The following KCNA3 variants were observed in gnomAD, a reference collection of about 807,000 sequenced individuals.
The protein encoded by KCNA3 is potassium voltage-gated channel subfamily A member 3.
A neutral mutation model predicts 34.3 loss-of-function variants in KCNA3; 18 were observed. The ratio of observed to expected loss-of-function variants is 0.52; its 90% CI spans 0.36 to 0.78. The LOEUF (loss-of-function observed/expected upper bound fraction) is 0.78. Ranked by LOEUF, KCNA3 falls within the 30% of genes least tolerant of loss-of-function variation. The probability of loss-of-function intolerance (pLI) is 0.00; values close to 1 mark genes in which losing one functional copy is unlikely to be tolerated. For missense variants in KCNA3, 587 were observed against 802.5 expected (o/e 0.73, Z 3.24); for synonymous variants, 324 against 351.7 (o/e 0.92, Z 0.88).
Position 110,673,248 on chromosome 1 carries a change from T to C in KCNA3, c.1562A>G (p.Asn521Ser). ...ATACTCCGACTTACTCAGAGTCGAG[T>C]TACTCCTTGCTTTTCGGAGCTCCTC... ...SAEELRKARS[N>S]STLSKSEYMV... The change falls in exon 1 of 1, where the codon AAC becomes AGC. Residue 521 changes from asparagine to serine, a missense_variant. Asn to Ser is a conservative substitution (Grantham distance 46). This residue lies in a region of KCNA3 where 95 missense variants were observed against 107.3 expected (regional missense o/e 0.89). Transcript: ENST00000369769. This position sits in a 1 kb window ranked among gnomAD's most constrained non-coding sequence, Gnocchi z 8.8. 1 of 1,614,042 alleles carries C rather than the reference T, an allele frequency of 6.2e-7. No homozygotes were observed. Among genetic ancestry groups the C allele is most frequent in the South Asian group, 1.1e-5 (1 of 91,062 alleles).
chr1:110,665,437 C>T, the KCNA3 span, among the ~76,000 whole-genome samples: 1 of 152,118 alleles, frequency 6.6e-6, no homozygotes, highest in East Asian at 1.9e-4. Context: ...CTTTGAGCAA[C>T]TGGAAAATTG....
rs749760182 is a variant in KCNA3, at chr1:110,674,541, G to C, written c.269C>G (p.Pro90Arg). ...CTCGCCCGCGGCCGGCAGTGAGGGC[G>C]GCAGCGGCTCGTAGCGGTCGCAGCC... Reference protein sequence around the residue: ...GGGCDRYEPLPPSLPAAGEQD... With the variant: ...GGGCDRYEPLRPSLPAAGEQD... The change falls in exon 1 of 1, where the codon CCG (proline) becomes CGG (arginine). Residue 90 changes from proline (P) to arginine (R), a missense_variant. Coordinates refer to ENST00000369769, the MANE Select transcript of KCNA3 (RefSeq NM_002232.5). This position sits in a 1 kb window ranked among gnomAD's most constrained non-coding sequence, Gnocchi z 6.4. 5 of 1,604,798 alleles carry C rather than the reference G, an allele frequency of 3.1e-6. No homozygotes were observed. The South Asian group carries it at 3.3e-5, about 11-fold the overall frequency.
rs768732207 is a variant in KCNA3 at position 110,674,431 on chromosome 1, C to G, written c.379G>C (p.Glu127Gln). 2.5e-6 allele frequency: 4 copies of G among 1,614,112 alleles called. No individual in the cohort carries two copies. The South Asian group carries it at 3.3e-5, about 13-fold the overall frequency. ...CGCTTGGGGTCGCCCAGCAGCGTCT[C>G]GGGGAACTGGCAAAGGGTCTTCAGC... ...TQLKTLCQFP[E>Q]TLLGDPKRRM... Residue 127 changes from glutamate (E) to glutamine (Q), a missense_variant, in exon 1 of 1, where the codon GAG (glutamate) becomes CAG (glutamine). By Grantham distance (29) the Glu-to-Gln change is conservative. This residue lies in a region of KCNA3 where 341 missense variants were observed against 355.4 expected (regional missense o/e 0.96). Transcript: ENST00000369769. The surrounding 1 kb of genome is among the most constrained non-coding windows in gnomAD (Gnocchi z 6.4).
chr1:110,659,138 G>T, the KCNA3 span, among the ~76,000 whole-genome samples: 1 of 149,514 alleles, frequency 6.7e-6, no homozygotes, highest in African/African-American at 2.5e-5. Flanking sequence ...AATATAACAC[G>T]ACTATATCTC....
Position 110,674,115 on chromosome 1 carries a change from G to A in KCNA3, c.695C>T (p.Pro232Leu). 9.9e-6 allele frequency: 16 copies of A among 1,611,526 alleles called. No individual in the cohort carries two copies. The highest frequency in any genetic ancestry group is 1.3e-5 in the Non-Finnish European group (15 of 1,178,828). The change falls in exon 1 of 1, where the codon CCG becomes CTG. Residue 232 changes from proline to leucine, a missense_variant. Coordinates refer to ENST00000369769, the MANE Select transcript of KCNA3 (RefSeq NM_002232.5). The surrounding 1 kb of genome is among the most constrained non-coding windows in gnomAD (Gnocchi z 6.4). ...GGACACGATGGCGATGCCCCGGGCCGGCCCGGAGCTCTCGGGGTACTCGAA... is the reference window on the plus strand; with the variant it reads ...GGACACGATGGCGATGCCCCGGGCCAGCCCGGAGCTCTCGGGGTACTCGAA... The part of the protein sequence containing the change: ...LLFEYPESSG[P>L]ARGIAIVSVL...
At position 110,674,549 on chromosome 1, in the gene KCNA3, C is replaced by T; in HGVS notation, c.261G>A (p.Glu87=). The T allele has an allele frequency of 6.3e-7, 1 of 1,590,548 alleles. No homozygotes were observed. The highest frequency in any genetic ancestry group is 8.5e-7 in the Non-Finnish European group (1 of 1,170,728). Reference sequence around the variant, plus strand: ...CGGCCGGCAGTGAGGGCGGCAGCGGCTCGTAGCGGTCGCAGCCGCCGCCGC... The same window carrying T: ...CGGCCGGCAGTGAGGGCGGCAGCGGTTCGTAGCGGTCGCAGCCGCCGCCGC... The part of the protein sequence containing the change: ...GCGGGGCDRY[E]PLPPSLPAAG... Residue 87 remains glutamate, a synonymous_variant, in exon 1 of 1, where the codon GAG becomes GAA. Coordinates refer to ENST00000369769, the MANE Select transcript of KCNA3 (RefSeq NM_002232.5). The surrounding 1 kb of genome is among the most constrained non-coding windows in gnomAD (Gnocchi z 6.4).
At chr1:110,662,138 T>TAAAAG in the KCNA3 span, among the ~76,000 whole-genome samples, 1 of 37,970 alleles carries the variant, frequency 2.6e-5, no homozygotes. Flanking sequence ...AAAAAAAAAT[T>TAAAAG]CAGAATGTCT....
At chr1:110,659,766 T>C in the KCNA3 span, among the ~76,000 whole-genome samples, 1 of 152,100 alleles carries the variant, frequency 6.6e-6, no homozygotes, top group Non-Finnish European at 1.5e-5. Flanking sequence ...TAAAAAAGGA[T>C]GAGTTCATGT....
Position 110,672,869 on chromosome 1 carries a change from G to A in KCNA3, c.*213C>T. On this transcript the variant is annotated 3_prime_UTR_variant, in exon 1 of 1. Coordinates refer to ENST00000369769, the MANE Select transcript of KCNA3 (RefSeq NM_002232.5). ...AATGTTAAGAGAGAGAGGGTAAGAG[G>A]GAAAAGGAGAGCTGAGAGAATGCAG... The A allele has an allele frequency of 1.8e-6, 1 of 559,080 alleles. No homozygotes were observed. The highest frequency in any genetic ancestry group is 2.9e-5 in the East Asian group (1 of 34,308). 34.6% of individuals were successfully genotyped at this position (559,080 alleles called of 1,614,324 possible). A position where few individuals can be genotyped will look rare whatever the true frequency, so the allele number is the denominator to read the frequency against.
At chr1:110,662,706 T>C in the KCNA3 span, among the ~76,000 whole-genome samples, 3 of 152,118 alleles carry the variant, frequency 2.0e-5, 1 homozygote, top group Non-Finnish European at 1.5e-5. Flanking sequence ...GTCAGTAATA[T>C]GTTAAGATGT....
the KCNA3 span, chr1:110,654,581 G>C: frequency 3.9e-5 from 6 of 152,024 alleles, no homozygotes; most frequent in Admixed American, 6.6e-5. Context: ...CTGTGGTCAG[G>C]GTGTGCAAAC....
rs1652003009 is a variant in KCNA3 at position 110,674,384 on chromosome 1, C to G, written c.426G>C (p.Pro142=). 3.1e-6 allele frequency: 5 copies of G among 1,614,124 alleles called. No individual in the cohort carries two copies. The highest frequency in any genetic ancestry group is 4.5e-5 in the East Asian group (2 of 44,868). ...GGTCGAAGAAGTACTCGTTGCGGAG[C>G]GGGTCGAAGTACCTCATGCGCCGCT... ...DPKRRMRYFD[P]LRNEYFFDRN... Residue 142 remains proline, a synonymous_variant, in exon 1 of 1, where the codon CCG becomes CCC. Transcript: ENST00000369769. This position sits in a 1 kb window ranked among gnomAD's most constrained non-coding sequence, Gnocchi z 6.4.
chr1:110,657,492 T>C, the KCNA3 span, among the ~76,000 whole-genome samples: 1 of 152,128 alleles, frequency 6.6e-6, no homozygotes, highest in Non-Finnish European at 1.5e-5. Flanking sequence ...TTACCTAAGG[T>C]CCCACAGGTA....
At chr1:110,671,144 C>A (rs564950112), downstream of KCNA3, among the ~76,000 whole-genome samples, 1 of 152,162 alleles carries the variant, frequency 6.6e-6, no homozygotes, top group South Asian at 2.1e-4. Flanking sequence ...GTAGATTCTG[C>A]CATTTATCCT....
In KCNA3 at chr1:110,674,805, T is replaced by G; in HGVS notation, c.5A>C (p.Asp2Ala). M[D>A]ERLSLLRSPP... ...CGAGCGCAGAAGGCTGAGGCGCTCGTCCATGCGGCGGGGAAGAGGCGGCAG... is the reference window on the plus strand; with the variant it reads ...CGAGCGCAGAAGGCTGAGGCGCTCGGCCATGCGGCGGGGAAGAGGCGGCAG... The change falls in exon 1 of 1, where the codon GAC becomes GCC. Residue 2 changes from aspartate (D) to alanine (A), a missense_variant. Around this residue, in one of 7 missense-constraint regions of KCNA3, gnomAD observed 341 missense variants for 355.4 expected, o/e 0.96. Transcript: ENST00000369769. This position sits in a 1 kb window ranked among gnomAD's most constrained non-coding sequence, Gnocchi z 6.4. 1 of 1,310,264 alleles carries G rather than the reference T, an allele frequency of 7.6e-7. No homozygotes were observed. Among genetic ancestry groups the G allele is most frequent in the African/African-American group, 1.5e-5 (1 of 64,706 alleles). 81.2% of individuals were successfully genotyped at this position (1,310,264 alleles called of 1,614,324 possible).
In KCNA3 at chr1:110,674,630, G is replaced by A. The variant is rs1055551264; in HGVS notation, c.180C>T (p.His60=). Residue 60 remains histidine, a synonymous_variant, in exon 1 of 1, where the codon CAC becomes CAT. Transcript: ENST00000369769. This position sits in a 1 kb window ranked among gnomAD's most constrained non-coding sequence, Gnocchi z 6.4. ...CATCGGCCACCTCCGGCTCCAGCAG[G>A]TGGTCCCCGGGCACCACGGTCATGT... The part of the protein sequence containing the change: ...PPDMTVVPGD[H]LLEPEVADGG... The A allele has an allele frequency of 6.4e-7, 1 of 1,552,994 alleles. No individual in the cohort carries two copies. The highest frequency in any genetic ancestry group is 8.6e-7 in the Non-Finnish European group (1 of 1,159,840).
chr1:110,669,002 A>T (rs1463814012), downstream of KCNA3, among the ~76,000 whole-genome samples: 2 of 152,192 alleles, frequency 1.3e-5, no homozygotes, highest in Non-Finnish European at 2.9e-5. Context: ...GTCTGCAGCT[A>T]TTATGTAGGA....
downstream of KCNA3, among the ~76,000 whole-genome samples, chr1:110,668,741 AT>A (rs1651777115): frequency 2.0e-5 from 3 of 152,196 alleles, no homozygotes; most frequent in African/African-American, 7.2e-5. Flanking sequence ...GCTGTAAGGC[AT>A]ATACATTTTT....
chr1:110,662,546 A>C, the KCNA3 span, among the ~76,000 whole-genome samples: 1 of 152,304 alleles, frequency 6.6e-6, no homozygotes, highest in South Asian at 2.1e-4. Flanking sequence ...CACACCAATA[A>C]GTTTTACCAG....
Sources: allele counts gnomAD v4.1 joint callset (sites outside exome capture counted in the v4.1 genomes callset), GRCh38; gene constraint gnomAD v4.1.1; regional missense constraint gnomAD v4.1.1; non-coding constraint Gnocchi (gnomAD v3.1); transcripts MANE v1.5; gene names NCBI Gene and HGNC (gene_info 2026-07-23, HGNC 2026-07-21).